The following VPS54 variants were observed in gnomAD, a reference collection of about 807,000 sequenced individuals.
VPS54 encodes the protein VPS54 subunit of GARP complex.
In VPS54, 45 loss-of-function variants were observed where a neutral mutation model predicts 121.5. The observed-to-expected ratio is 0.37, with a 90% CI of 0.29 to 0.47. VPS54 has a LOEUF of 0.47. Among genes scored for constraint, VPS54 ranks in the 20% least tolerant of loss-of-function variants. The pLI is 0.99. For synonymous variants in VPS54, 371 were observed against 385.8 expected (o/e 0.96, Z 0.45); for missense variants, 1,090 against 1,131.4 (o/e 0.96, Z 0.52).
At chr2:63,969,395 C>T (rs557360749) in intron 4 of VPS54, among the ~76,000 whole-genome samples, 11 of 152,204 alleles carry the variant, frequency 7.2e-5, no homozygotes, top group South Asian at 4.1e-4. Context: ...ATCACATTAC[C>T]GTCTGAGCTC....
rs562925070 is a variant in VPS54 at position 63,937,218 on chromosome 2, G to A, written c.1399-3205C>T. Among the ~76,000 whole-genome samples, 14 of 152,034 alleles carry A rather than the reference G, an allele frequency of 9.2e-5. No individual in the cohort carries two copies. The South Asian group carries it at 2.1e-3, about 23-fold the overall frequency. On this transcript the variant is annotated intron_variant, in intron 11 of 22. Coordinates refer to ENST00000272322, the MANE Select transcript of VPS54 (RefSeq NM_016516.3). ...TTAACAGAGTAAAAAGGCAACCTGC[G>A]GAATGGGAGAAAATATTTGTAAATC...
At chr2:63,924,647 T>G (rs547571095) in intron 12 of VPS54, among the ~76,000 whole-genome samples, 27 of 152,258 alleles carry the variant, frequency 1.8e-4, no homozygotes, top group Admixed American at 4.6e-4. Context: ...AGACCCCATC[T>G]CTACAAACTA....
chr2:63,946,733 A>T (rs1439099720), intron 9 of VPS54, among the ~76,000 whole-genome samples: 3 of 152,116 alleles, frequency 2.0e-5, no homozygotes, highest in Admixed American at 2.0e-4. Context: ...ACTGAAAAAC[A>T]CATGGATTCT....
chr2:64,012,892 C>T (rs1678494929), intron 1 of VPS54, among the ~76,000 whole-genome samples: 1 of 152,144 alleles, frequency 6.6e-6, no homozygotes, highest in Non-Finnish European at 1.5e-5. Context: ...TTTCTACATT[C>T]CGTGGCCTAT....
intron 1 of VPS54, among the ~76,000 whole-genome samples, chr2:64,009,477 G>A (rs1387328944): frequency 2.6e-5 from 4 of 151,810 alleles, no homozygotes; most frequent in South Asian, 2.1e-4. Context: ...CACCACACCC[G>A]GCTAATCTTT....
intron 7 of VPS54, among the ~76,000 whole-genome samples, chr2:63,952,559 T>C (rs769488639): frequency 3.9e-4 from 60 of 152,304 alleles, no homozygotes; most frequent in Admixed American, 9.2e-4. Context: ...CATTTGACCT[T>C]TTGGGTAGAT....
rs1243066838 is a variant in VPS54, at chr2:63,933,951, TCTAGTC to T, written c.1455_1460del (p.Thr486_Arg487del). Reference sequence around the variant, plus strand: ...TCTGTTGTGAAATCTCTTCCAATTCTCTAGTCCTTTGGTTTTTGTCAAGAACTGAGA... The same window carrying T: ...TCTGTTGTGAAATCTCTTCCAATTCTCTTTGGTTTTTGTCAAGAACTGAGA... On this transcript the variant is annotated inframe_deletion, in exon 12 of 23. Coordinates refer to ENST00000272322, the MANE Select transcript of VPS54 (RefSeq NM_016516.3). The T allele has an allele frequency of 2.5e-6, 4 of 1,613,514 alleles. No individual in the cohort carries two copies. Among genetic ancestry groups the T allele is most frequent in the Non-Finnish European group, 3.4e-6 (4 of 1,179,762 alleles).
intron 1 of VPS54, among the ~76,000 whole-genome samples, chr2:64,009,571 C>T (rs184955621): frequency 3.9e-5 from 6 of 152,290 alleles, no homozygotes; most frequent in African/African-American, 9.6e-5. Context: ...CTGCCTCAGC[C>T]TCCCAAAGTG....
intron 12 of VPS54, 83 bp from the exon 13 acceptor site, chr2:63,921,418 A>G (rs936125897): frequency 3.5e-6 from 5 of 1,436,840 alleles, no homozygotes; most frequent in African/African-American, 2.8e-5. Flanking sequence ...AAAAAGGATG[A>G]AAAAGCTGTA....
At chr2:63,957,089 G>T (rs895324877) in intron 7 of VPS54, among the ~76,000 whole-genome samples, 9 of 152,036 alleles carry the variant, frequency 5.9e-5, no homozygotes, top group Non-Finnish European at 1.2e-4. Context: ...TTGTTTCAAT[G>T]ATTATCATTT....
intron 22 of VPS54, 139 bp downstream of exon 22, chr2:63,897,357 A>C: frequency 5.0e-6 from 3 of 605,802 alleles, no homozygotes; most frequent in Non-Finnish European, 8.4e-6. Flanking sequence ...CAGGGGAAAA[A>C]AAAAACACAA....
intron 12 of VPS54, among the ~76,000 whole-genome samples, chr2:63,922,261 C>A (rs1294959105): frequency 6.6e-6 from 1 of 152,098 alleles, no homozygotes; most frequent in East Asian, 1.9e-4. Flanking sequence ...ACCAATGATT[C>A]CATGCCATCA....
At chr2:63,938,059 G>GGTGTGTGTGGTGTGTGTGTGTGTGT (rs1553475196) in intron 11 of VPS54, among the ~76,000 whole-genome samples, 36 of 140,476 alleles carry the variant, frequency 2.6e-4, no homozygotes, top group South Asian at 4.6e-4. Flanking sequence ...TGGTGTGTGT[G>GGTGTGTGTGGTGTGTGTGTGTGTGT]GTGTGTGTGT....
intron 5 of VPS54, among the ~76,000 whole-genome samples, chr2:63,967,051 T>A (rs976618696): frequency 6.6e-6 from 1 of 152,220 alleles, no homozygotes; most frequent in Non-Finnish European, 1.5e-5. Context: ...TTATTTAGTA[T>A]GCATATCTCC....
At chr2:63,943,310 CTTCAG>C (rs1264708549) in intron 10 of VPS54, among the ~76,000 whole-genome samples, 2 of 152,142 alleles carry the variant, frequency 1.3e-5, no homozygotes, top group African/African-American at 4.8e-5. Context: ...ATAAACGCAG[CTTCAG>C]TTAAGAGTTT....
chr2:63,991,517 C>G (rs1003154271), intron 1 of VPS54, among the ~76,000 whole-genome samples: 17 of 152,186 alleles, frequency 1.1e-4, no homozygotes, highest in African/African-American at 4.1e-4. Flanking sequence ...TTCTTGGAGC[C>G]TGCTATAATT....
intron 20 of VPS54, among the ~76,000 whole-genome samples, chr2:63,906,218 T>C (rs1238311479): frequency 2.6e-5 from 4 of 152,132 alleles, no homozygotes; most frequent in African/African-American, 4.8e-5. Flanking sequence ...GGTATACAGA[T>C]TGAAAAAGAT....
intron 1 of VPS54, among the ~76,000 whole-genome samples, chr2:63,989,453 T>C (rs989375204): frequency 6.6e-6 from 1 of 152,168 alleles, no homozygotes; most frequent in East Asian, 1.9e-4. Flanking sequence ...TTTCTCTCTT[T>C]TGTACTCTTT....
chr2:63,980,713 A>G (rs748352399), intron 3 of VPS54, among the ~76,000 whole-genome samples: 10 of 152,126 alleles, frequency 6.6e-5, no homozygotes, highest in Non-Finnish European at 1.3e-4. Context: ...TACCTGACAC[A>G]TGGAAGGCAC....
Sources: gnomAD v4.1 joint callset for allele counts (sites outside exome capture counted in the v4.1 genomes callset) on GRCh38, gnomAD v4.1.1 for gene constraint, MANE v1.5 for transcripts, NCBI Gene and HGNC (gene_info 2026-07-23, HGNC 2026-07-21) for gene names.